EGFL6: variants seen among roughly 807,000 people sequenced by gnomAD.
EGFL6 encodes epidermal growth factor-like protein 6.
Under a neutral mutation model 43.1 loss-of-function variants are expected in EGFL6, and 42 were observed. That is an observed-to-expected ratio of 0.98 (90% CI 0.76 to 1.26). The LOEUF is 1.26. Among genes scored for constraint, EGFL6 ranks in the 50% most tolerant of loss-of-function variants. The pLI is 0.00. For synonymous variants in EGFL6, 164 were observed against 163.2 expected (o/e 1.01, Z -0.04); for missense variants, 429 against 427.8 (o/e 1.00, Z -0.02).
chrX:13,580,651 T>A (rs905820128), intron 1 of EGFL6, among the ~76,000 whole-genome samples: 1 of 111,807 alleles, frequency 8.9e-6, no homozygotes, highest in East Asian at 2.8e-4. Context: ...ACCACCATTA[T>A]CTCTCACCTG....
intron 9 of EGFL6, among the ~76,000 whole-genome samples, chrX:13,620,826 T>G (rs1452771879): frequency 9.0e-6 from 1 of 111,707 alleles, no homozygotes; most frequent in East Asian, 2.8e-4. Context: ...CCTCTTTCGA[T>G]CCCCAAACCA....
In EGFL6 at chrX:13,588,080, T is replaced by C. The variant is rs747673138; in HGVS notation, c.75-1476T>C. 4.4e-5 allele frequency among the ~76,000 whole-genome samples: 5 copies of C among 112,402 alleles called. No homozygotes were observed. The South Asian group carries it at 1.9e-3, about 42-fold the overall frequency. On this transcript the variant is annotated intron_variant, in intron 1 of 11. Coordinates refer to ENST00000361306, the MANE Select transcript of EGFL6 (RefSeq NM_015507.4). ...GCCCAAAATATCAGTTGTGTAGAAG[T>C]TGAGAAACCCTATTCTAAATGTTTG...
intron 9 of EGFL6, among the ~76,000 whole-genome samples, chrX:13,622,217 GAAAGT>G (rs201184476): frequency 2.2e-5 from 2 of 90,914 alleles, no homozygotes; most frequent in African/African-American, 1.0e-4. Context: ...AAGAAGAAAG[GAAAGT>G]GAGGAAAGGG....
intron 4 of EGFL6, among the ~76,000 whole-genome samples, chrX:13,601,159 G>T (rs754887796): frequency 3.6e-5 from 4 of 111,846 alleles, no homozygotes; most frequent in African/African-American, 9.7e-5. Flanking sequence ...AAAATAAGCA[G>T]ATTGTTTTAG....
intron 1 of EGFL6, among the ~76,000 whole-genome samples, chrX:13,572,076 A>T (rs1026747625): frequency 1.8e-5 from 2 of 112,466 alleles, no homozygotes; most frequent in African/African-American, 6.5e-5. Context: ...ACGCTCATCA[A>T]ATGAATAAAT....
chrX:13,621,943 A>G (rs2045750854), intron 9 of EGFL6, among the ~76,000 whole-genome samples: 1 of 112,488 alleles, frequency 8.9e-6, no homozygotes, highest in African/African-American at 3.2e-5. Context: ...GCTATATACT[A>G]TTCCATCATC....
chrX:13,632,996 A>G lies in EGFL6; in HGVS notation c.1563A>G (p.Glu521=). The change falls in exon 12 of 12, where the codon GAA becomes GAG. Residue 521 remains glutamate, a synonymous_variant. Transcript: ENST00000361306. ...GTDATKSIIF[E]AERGKGKTGE... is the part of the protein sequence containing the mutation. ...CTCTCCATTATTAGATCATTTTTGAAGCAGAACGTGGCAAGGGCAAAACCG... is the reference window on the plus strand; with the variant it reads ...CTCTCCATTATTAGATCATTTTTGAGGCAGAACGTGGCAAGGGCAAAACCG... 1 of 1,208,454 alleles carries G rather than the reference A, an allele frequency of 8.3e-7. No homozygotes were observed.
At chrX:13,608,965 A>G (rs2045675519) in intron 7 of EGFL6, among the ~76,000 whole-genome samples, 1 of 112,773 alleles carries the variant, frequency 8.9e-6, no homozygotes, top group South Asian at 3.6e-4. Flanking sequence ...CACTTGTTTT[A>G]ATGTATATAG....
intron 10 of EGFL6, among the ~76,000 whole-genome samples, chrX:13,626,102 A>G (rs2045779459): frequency 9.0e-6 from 1 of 111,125 alleles, no homozygotes; most frequent in South Asian, 3.8e-4. Flanking sequence ...ACTTTTTAGT[A>G]TGTCTTGGAC....
chrX:13,633,093 T>C lies in EGFL6; in HGVS notation c.1660T>C (p.Ter554ArgextTer35). 12 of 1,180,626 alleles carry C rather than the reference T, an allele frequency of 1.0e-5. No homozygotes were observed. Among genetic ancestry groups the C allele is most frequent in the Non-Finnish European group, 1.4e-5 (12 of 879,700 alleles). The change falls in exon 12 of 12, where the codon TGA (stop) becomes CGA (arginine). Residue 554 changes from the stop codon to arginine, a stop_lost. Coordinates refer to ENST00000361306, the MANE Select transcript of EGFL6 (RefSeq NM_015507.4). The part of the protein sequence containing the change: ...CPDSLLSVDD[*>R] Reference sequence around the variant, plus strand: ...AGATAGCCTTTTATCTGTGGATGACTGAATGTTACTATCTTTATATTTGAC... The same window carrying C: ...AGATAGCCTTTTATCTGTGGATGACCGAATGTTACTATCTTTATATTTGAC...
intron 11 of EGFL6, among the ~76,000 whole-genome samples, chrX:13,630,900 G>T (rs2045807167): frequency 8.9e-6 from 1 of 112,072 alleles, no homozygotes; most frequent in African/African-American, 3.2e-5. Context: ...ATTCTTAAAG[G>T]GTCTTTCTTT....
chrX:13,580,963 A>T (rs1354243809), intron 1 of EGFL6, among the ~76,000 whole-genome samples: 2 of 111,792 alleles, frequency 1.8e-5, no homozygotes, highest in African/African-American at 6.5e-5. Context: ...CACTTGCTTT[A>T]TTGACTGCCT....
At chrX:13,617,646 A>T (rs2045725984) in intron 7 of EGFL6, 84 bp from the exon 8 acceptor site, 1 of 848,019 alleles carries the variant, frequency 1.2e-6, no homozygotes, top group Non-Finnish European at 1.7e-6. Context: ...CACTTACTAC[A>T]CTTTAACACT....
chrX:13,611,403 C>T (rs5935631), intron 7 of EGFL6, among the ~76,000 whole-genome samples: 11,235 of 111,072 alleles, frequency 0.1, 555 homozygotes, highest in African/African-American at 0.19. Flanking sequence ...GTTGTGCATA[C>T]AAAAAAAGAC....
At chrX:13,607,576 G>GGA (rs2045667458) in intron 6 of EGFL6, among the ~76,000 whole-genome samples, 1 of 111,734 alleles carries the variant, frequency 8.9e-6, no homozygotes, top group South Asian at 3.8e-4. Flanking sequence ...ATGATGCTGT[G>GGA]TTACAGAGTT....
chrX:13,606,754 G>A (rs2045662984), intron 6 of EGFL6, among the ~76,000 whole-genome samples: 1 of 112,434 alleles, frequency 8.9e-6, no homozygotes, highest in South Asian at 3.7e-4. Context: ...TTGTGGAAAC[G>A]ATTATCTCAA....
chrX:13,594,912 G>A lies in EGFL6; in HGVS notation c.264G>A (p.Gly88=), dbSNP rs2045588541. The A allele has an allele frequency of 8.3e-7, 1 of 1,206,945 alleles. No individual in the cohort carries two copies. Among genetic ancestry groups the A allele is most frequent in the African/African-American group, 1.8e-5 (1 of 57,052 alleles). The part of the protein sequence containing the change: ...NKCRCFPGYT[G]KTCSQDVNEC... ...GCAGATGCTTTCCAGGATACACCGG[G>A]AAAACCTGCAGTCAAGGTCAGTAAG... Residue 88 remains glycine (G), a synonymous_variant, in exon 3 of 12, where the codon GGG becomes GGA. Coordinates refer to ENST00000361306, the MANE Select transcript of EGFL6 (RefSeq NM_015507.4).
chrX:13,587,758 A>G (rs1195674152), intron 1 of EGFL6, among the ~76,000 whole-genome samples: 1 of 112,294 alleles, frequency 8.9e-6, no homozygotes, highest in Admixed American at 9.4e-5. Flanking sequence ...ACTTGAATGC[A>G]TATGTTTCCA....
intron 10 of EGFL6, among the ~76,000 whole-genome samples, chrX:13,625,732 A>G (rs2045775211): frequency 9.2e-6 from 1 of 109,027 alleles, no homozygotes; most frequent in Non-Finnish European, 1.9e-5. Flanking sequence ...TGAAAAAGAA[A>G]AAAATTAGCC....
Sources: allele counts gnomAD v4.1 joint callset (sites outside exome capture counted in the v4.1 genomes callset), GRCh38; gene constraint gnomAD v4.1.1; transcripts MANE v1.5; gene names NCBI Gene and HGNC (gene_info 2026-07-23, HGNC 2026-07-21).